CNTLN: variants seen among roughly 807,000 people sequenced by gnomAD.
CNTLN encodes centlein.
In CNTLN, 212 loss-of-function variants were observed where a neutral mutation model predicts 180.0. That is an observed-to-expected ratio of 1.18 (90% CI 1.05 to 1.32). CNTLN has a LOEUF of 1.32. Ranked by LOEUF, CNTLN falls within the 40% of genes most tolerant of loss-of-function variation. The pLI is 0.00. For missense variants in CNTLN, 2,095 were observed against 1,610.9 expected, an observed-to-expected ratio of 1.30 and a Z score of -5.14; for synonymous variants, 722 against 563.1, an observed-to-expected ratio of 1.28 and a Z score of -3.99.
chr9:17,200,496 A>T (rs150456199), intron 2 of CNTLN, among the ~76,000 whole-genome samples: 2,882 of 151,686 alleles, frequency 0.019, 58 homozygotes, highest in African/African-American at 0.05. Context: ...TTTGTTTTTG[A>T]CCTCTCTTAT....
intron 8 of CNTLN, among the ~76,000 whole-genome samples, chr9:17,320,198 T>C (rs1294134447): frequency 1.3e-5 from 2 of 152,220 alleles, no homozygotes; most frequent in African/African-American, 2.4e-5. Flanking sequence ...TCATAGTTAC[T>C]CTCTCTTCCT....
intron 2 of CNTLN, among the ~76,000 whole-genome samples, chr9:17,195,551 G>A (rs1357159627): frequency 6.6e-6 from 1 of 152,076 alleles, no homozygotes; most frequent in East Asian, 1.9e-4. Context: ...GGTTTATGTA[G>A]ATTATAGTAC....
At chr9:17,268,883 C>T (rs992520050) in intron 5 of CNTLN, among the ~76,000 whole-genome samples, 1 of 151,822 alleles carries the variant, frequency 6.6e-6, no homozygotes, top group Non-Finnish European at 1.5e-5. Context: ...TTAATCCCGT[C>T]AGAAAAGTGC....
chr9:17,413,669 A>G, intron 16 of CNTLN, among the ~76,000 whole-genome samples: 1 of 152,190 alleles, frequency 6.6e-6, no homozygotes, highest in East Asian at 1.9e-4. Context: ...AAAGATTTTC[A>G]ACTTCACTAT....
At chr9:17,259,927 C>G (rs1342203795) in intron 5 of CNTLN, among the ~76,000 whole-genome samples, 1 of 136,318 alleles carries the variant, frequency 7.3e-6, no homozygotes, top group Non-Finnish European at 1.5e-5. Context: ...AAAAAACCAG[C>G]TCCTGGATTC....
the CNTLN span, among the ~76,000 whole-genome samples, chr9:17,525,958 C>CA: frequency 6.6e-6 from 1 of 151,662 alleles, no homozygotes; most frequent in African/African-American, 2.4e-5. Flanking sequence ...TTTTTTGAGA[C>CA]AGAGTCTTGC....
chr9:17,165,172 A>G (rs1819983570), intron 2 of CNTLN, among the ~76,000 whole-genome samples: 1 of 152,164 alleles, frequency 6.6e-6, no homozygotes, highest in South Asian at 2.1e-4. Context: ...TTTTCTTAAA[A>G]TAATTAATTT....
intron 18 of CNTLN, among the ~76,000 whole-genome samples, chr9:17,417,378 C>A (rs1309944831): frequency 1.3e-5 from 2 of 151,830 alleles, no homozygotes; most frequent in African/African-American, 2.4e-5. Flanking sequence ...TATATCTCAC[C>A]GTGATATTAT....
rs1357729391 is a variant in CNTLN, at chr9:17,395,069, G to A, written c.2615G>A (p.Ser872Asn). ...GGCTGGGAGGATGTGAGTGAAAGCA[G>A]GTAAGGCTCTCATTAACTTAGCTCT... is the stretch of plus-strand genomic sequence containing the variant. ...KDGWEDVSES[S>N]SDSEAQTSQT... Residue 872 changes from serine (S) to asparagine (N), a missense_variant and splice_region_variant, in exon 15 of 26, where the codon AGC becomes AAC. Ser to Asn is a conservative substitution (Grantham distance 46). Transcript: ENST00000380647. The A allele has an allele frequency of 2.5e-6, 4 of 1,600,990 alleles. No homozygotes were observed. Among genetic ancestry groups the A allele is most frequent in the South Asian group, 2.2e-5 (2 of 89,496 alleles).
At chr9:17,425,111 A>C (rs1828991256) in intron 18 of CNTLN, among the ~76,000 whole-genome samples, 1 of 152,168 alleles carries the variant, frequency 6.6e-6, no homozygotes, top group Non-Finnish European at 1.5e-5. Context: ...TGAATGGATG[A>C]GTTATTTTAT....
chr9:17,280,590 A>G (rs1158135380), intron 6 of CNTLN, among the ~76,000 whole-genome samples: 1 of 152,202 alleles, frequency 6.6e-6, no homozygotes, highest in Admixed American at 6.5e-5. Context: ...AGGGAAGGAT[A>G]AAAAGTAATT....
At chr9:17,346,432 A>G (rs1261724456) in intron 12 of CNTLN, among the ~76,000 whole-genome samples, 1 of 152,200 alleles carries the variant, frequency 6.6e-6, no homozygotes, top group Non-Finnish European at 1.5e-5. Context: ...GGGAATTACA[A>G]TTCAAGATGA....
intron 2 of CNTLN, among the ~76,000 whole-genome samples, chr9:17,211,137 A>G (rs893089596): frequency 3.3e-5 from 5 of 152,134 alleles, no homozygotes; most frequent in African/African-American, 9.7e-5. Flanking sequence ...GCCCATGCCT[A>G]TGTCCTGAAT....
chr9:17,491,413 T>C (rs796750245), intron 25 of CNTLN, among the ~76,000 whole-genome samples: 4 of 152,172 alleles, frequency 2.6e-5, no homozygotes, highest in African/African-American at 9.6e-5. Flanking sequence ...TGAGTAGAAT[T>C]ATGGGTGGGT....
At chr9:17,480,949 A>G (rs145712892) in intron 23 of CNTLN, among the ~76,000 whole-genome samples, 1 of 152,194 alleles carries the variant, frequency 6.6e-6, no homozygotes, top group Admixed American at 6.5e-5. Context: ...ATACACAAAA[A>G]CAAATTTGTC....
At chr9:17,136,650 A>G (rs1418190500) in intron 1 of CNTLN, among the ~76,000 whole-genome samples, 1 of 152,128 alleles carries the variant, frequency 6.6e-6, no homozygotes, top group Non-Finnish European at 1.5e-5. Context: ...TCTTTTGCCC[A>G]TTTTATAGGT....
At chr9:17,481,038 G>T (rs1341951532) in intron 23 of CNTLN, among the ~76,000 whole-genome samples, 1 of 151,986 alleles carries the variant, frequency 6.6e-6, no homozygotes, top group Non-Finnish European at 1.5e-5. Flanking sequence ...TTGAGACCTG[G>T]AACAGCAACC....
intron 5 of CNTLN, among the ~76,000 whole-genome samples, chr9:17,267,127 C>T (rs1298855738): frequency 6.6e-6 from 1 of 152,086 alleles, no homozygotes; most frequent in Non-Finnish European, 1.5e-5. Context: ...CAGTTTCTTC[C>T]TATCCTTGAT....
At chr9:17,328,908 G>A (rs10453170) in intron 8 of CNTLN, among the ~76,000 whole-genome samples, 151,395 of 151,976 alleles carry the variant, frequency 1, 75,410 homozygotes, top group Middle Eastern at 1. Context: ...TATAATATCA[G>A]TAGAAATATT....
Sources: gnomAD v4.1 joint callset for allele counts (sites outside exome capture counted in the v4.1 genomes callset) on GRCh38, gnomAD v4.1.1 for gene constraint, MANE v1.5 for transcripts, NCBI Gene and HGNC (gene_info 2026-07-23, HGNC 2026-07-21) for gene names.